SYNE2: variants seen among roughly 807,000 people sequenced by gnomAD.
SYNE2 encodes spectrin repeat containing nuclear envelope protein 2.
In SYNE2, 431 loss-of-function variants were observed where a neutral mutation model predicts 856.3. That is an observed-to-expected ratio of 0.50 (90% CI 0.47 to 0.55). The LOEUF (loss-of-function observed/expected upper bound fraction) is 0.55. SYNE2 is among the 20% of genes least tolerant of loss of function. SYNE2 has a pLI of 0.00. For missense variants in SYNE2, 8,129 were observed against 8,023.2 expected (o/e 1.01, Z -0.50); for synonymous variants, 2,923 against 2,872.3 (o/e 1.02, Z -0.56).
intron 8 of SYNE2, 39 bp downstream of exon 8, chr14:63,954,954 C>T: frequency 6.6e-7 from 1 of 1,523,198 alleles, no homozygotes; most frequent in Non-Finnish European, 9.1e-7. Flanking sequence ...ATCTTTAAGG[C>T]TTAGCATGAA....
At chr14:64,157,338 T>C (rs1052747752) in intron 85 of SYNE2, among the ~76,000 whole-genome samples, 2 of 152,250 alleles carry the variant, frequency 1.3e-5, no homozygotes, top group South Asian at 2.1e-4. Context: ...AATAGAATCA[T>C]ATGCTATATA....
Position 63,995,161 on chromosome 14 carries a change from A to G in SYNE2, c.2899A>G (p.Ile967Val), listed in dbSNP as rs1356157007. The G allele has an allele frequency of 3.1e-6, 5 of 1,606,672 alleles. No homozygotes were observed. The highest frequency in any genetic ancestry group is 4.2e-6 in the Non-Finnish European group (5 of 1,176,486). Residue 967 changes from isoleucine to valine, a missense_variant, in exon 23 of 116, where the codon ATC (isoleucine) becomes GTC (valine). Ile to Val is a conservative substitution (Grantham distance 29). Coordinates refer to ENST00000555002, the MANE Select transcript of SYNE2 (RefSeq NM_182914.3). Reference sequence around the variant, plus strand: ...GCAAATAAATAAAGAAAAGAAACTTATCCGTAGAGGAAGGACCAAGGGTCT... The same window carrying G: ...GCAAATAAATAAAGAAAAGAAACTTGTCCGTAGAGGAAGGACCAAGGGTCT... Reference protein sequence around the residue: ...EKQINKEKKLIRRGRTKGLIK... With the variant: ...EKQINKEKKLVRRGRTKGLIK...
chr14:64,047,282 G>C (rs2097193028), intron 45 of SYNE2, among the ~76,000 whole-genome samples: 1 of 152,186 alleles, frequency 6.6e-6, no homozygotes, highest in Non-Finnish European at 1.5e-5. Flanking sequence ...GCACAGGATA[G>C]GGAGTGTGTG....
intron 54 of SYNE2, 55 bp from the exon 55 acceptor site, chr14:64,078,411 T>C: frequency 6.2e-7 from 1 of 1,607,950 alleles, no homozygotes; most frequent in Middle Eastern, 1.9e-4. Flanking sequence ...TTCGAACCTA[T>C]GAATAAAGTG....
chr14:64,214,585 C>A, intron 106 of SYNE2, 115 bp downstream of exon 106: 1 of 1,061,868 alleles, frequency 9.4e-7, no homozygotes, highest in Non-Finnish European at 1.4e-6. Context: ...CCGACCCTGA[C>A]TTCTGTGGTT....
chr14:63,833,713 C>T (rs1889749348), intron 1 of SYNE2, among the ~76,000 whole-genome samples: 1 of 152,160 alleles, frequency 6.6e-6, no homozygotes. Flanking sequence ...TGTACCCTTC[C>T]TTATACTTTT....
intron 85 of SYNE2, 93 bp downstream of exon 85, chr14:64,152,809 ACT>A (rs1318238109): frequency 6.7e-7 from 1 of 1,492,240 alleles, no homozygotes; most frequent in Non-Finnish European, 9.3e-7. Context: ...ACTCATGGAG[ACT>A]CTCTATACCA....
At chr14:63,952,787 G>C (rs191612552) in intron 7 of SYNE2, among the ~76,000 whole-genome samples, 3 of 152,036 alleles carry the variant, frequency 2.0e-5, no homozygotes. Flanking sequence ...TTTTTTTCCC[G>C]TAAGTAAACA....
At chr14:64,147,485 T>A (rs2098197592) in intron 84 of SYNE2, among the ~76,000 whole-genome samples, 1 of 152,188 alleles carries the variant, frequency 6.6e-6, no homozygotes, top group Non-Finnish European at 1.5e-5. Flanking sequence ...CAAATAGACC[T>A]AAGTCAAGTG....
Position 64,167,340 on chromosome 14 carries a change from G to A in SYNE2, c.16713G>A (p.Met5571Ile), listed in dbSNP as rs1277955555. Residue 5571 changes from methionine (M) to isoleucine (I), a missense_variant, in exon 91 of 116, where the codon ATG becomes ATA. By Grantham distance (10) the Met-to-Ile change is conservative (BLOSUM62 1). Around this residue, in one of 3 missense-constraint regions of SYNE2, gnomAD observed 5,410 missense variants for 5,284.8 expected, o/e 1.02. Coordinates refer to ENST00000555002, the MANE Select transcript of SYNE2 (RefSeq NM_182914.3). ...SDVAVKTLQN[M>I]NRQWIRATAT... ...TAGCTGTGAAGACGTTACAAAATAT[G>A]AACCGGCAATGGATTCGGGCCACGG... is the stretch of plus-strand genomic sequence containing the variant. 2 of 1,614,094 alleles carry A rather than the reference G, an allele frequency of 1.2e-6. No homozygotes were observed.
chr14:63,907,569 ATAT>A (rs2153347345), intron 1 of SYNE2, among the ~76,000 whole-genome samples: 1 of 152,308 alleles, frequency 6.6e-6, no homozygotes, highest in African/African-American at 2.4e-5. Flanking sequence ...GTACTGTATA[ATAT>A]TGCTATTATC....
chr14:63,764,982 C>T (rs1886619779), intron 1 of SYNE2, among the ~76,000 whole-genome samples: 1 of 152,062 alleles, frequency 6.6e-6, no homozygotes, highest in African/African-American at 2.4e-5. Context: ...AGTGAAGCAA[C>T]TCAGAGTTAA....
At chr14:64,097,701 C>T (rs77712666) in intron 61 of SYNE2, among the ~76,000 whole-genome samples, 2,637 of 152,278 alleles carry the variant, frequency 0.017, 50 homozygotes, top group East Asian at 0.076. Context: ...TGGCTCAACC[C>T]GCAGAGATTC....
chr14:64,189,035 A>T (rs1254768376), intron 98 of SYNE2: 2 of 700,542 alleles, frequency 2.9e-6, no homozygotes, highest in Non-Finnish European at 5.2e-6. Context: ...TCTAGTTGTT[A>T]TTAAGAAGCT....
At chr14:64,024,841 G>C in intron 39 of SYNE2, 71 bp from the exon 40 acceptor site, 3 of 1,533,552 alleles carry the variant, frequency 2.0e-6, no homozygotes, top group Non-Finnish European at 2.7e-6. Context: ...CACAAGGTTT[G>C]TGCCATCCTT....
intron 28 of SYNE2, among the ~76,000 whole-genome samples, chr14:64,001,301 A>C (rs1819316859): frequency 6.6e-6 from 1 of 152,220 alleles, no homozygotes; most frequent in Non-Finnish European, 1.5e-5. Flanking sequence ...AGGTGAAGTT[A>C]AGTTACAATT....
At chr14:63,887,400 A>AGG (rs2095018622) in intron 1 of SYNE2, among the ~76,000 whole-genome samples, 1 of 152,252 alleles carries the variant, frequency 6.6e-6, no homozygotes, top group Non-Finnish European at 1.5e-5. Flanking sequence ...ATACCGTCAG[A>AGG]GAACATCACT....
At chr14:64,098,883 A>G in intron 63 of SYNE2, 62 bp downstream of exon 63, 2 of 1,515,056 alleles carry the variant, frequency 1.3e-6, no homozygotes, top group South Asian at 1.2e-5. Flanking sequence ...GAAGTCAATG[A>G]AAAGATCTTA....
intron 32 of SYNE2, among the ~76,000 whole-genome samples, chr14:64,013,284 G>A (rs1169461229): frequency 6.6e-6 from 1 of 150,674 alleles, no homozygotes; most frequent in Admixed American, 6.6e-5. Flanking sequence ...AAATTTAATT[G>A]AACAAACATT....
Sources: allele counts gnomAD v4.1 joint callset (sites outside exome capture counted in the v4.1 genomes callset), GRCh38; gene constraint gnomAD v4.1.1; regional missense constraint gnomAD v4.1.1; transcripts MANE v1.5; gene names NCBI Gene and HGNC (gene_info 2026-07-23, HGNC 2026-07-21).